Variants in WIPF1 observed in about 807,000 individuals in gnomAD.
WIPF1 encodes WAS/WASL interacting protein family member 1.
In WIPF1, 13 loss-of-function variants were observed where a neutral mutation model predicts 35.4. The observed-to-expected ratio is 0.37, with a 90% CI of 0.24 to 0.58. The LOEUF is 0.58. Among genes scored for constraint, WIPF1 ranks in the 20% least tolerant of loss-of-function variants. WIPF1 has a pLI of 0.74. For missense variants in WIPF1, 591 were observed against 667.0 expected (o/e 0.89, Z 1.25); for synonymous variants, 267 against 266.3 (o/e 1.00, Z -0.02).
At chr2:174,645,871 C>A (rs957024242) in intron 1 of WIPF1, among the ~76,000 whole-genome samples, 7 of 152,064 alleles carry the variant, frequency 4.6e-5, no homozygotes, top group East Asian at 3.9e-4. Context: ...TGTTGTTGAC[C>A]AAAACATTGA....
chr2:174,609,194 T>A (rs1686268553), intron 1 of WIPF1, among the ~76,000 whole-genome samples: 1 of 152,230 alleles, frequency 6.6e-6, no homozygotes, highest in Non-Finnish European at 1.5e-5. Context: ...TAAAGAATTG[T>A]CCCACAGGAC....
Position 174,659,041 on chromosome 2 carries a change from A to G in WIPF1, c.-39+23733T>C, listed in dbSNP as rs142324339. On this transcript the variant is annotated intron_variant, in intron 1 of 8. Transcript: ENST00000272746. ...CATTTTTGAGGATCTAGTAAGATAA[A>G]TTATGTAAAACACTGAAATTATTTG... Among the ~76,000 whole-genome samples the G allele has an allele frequency of 4.9e-3, 752 of 152,292 alleles. 8 individuals carry two copies. The highest frequency in any genetic ancestry group is 0.017 in the African/African-American group (700 of 41,548).
At chr2:174,584,903 C>CAAAAAAA (rs34445660) in intron 2 of WIPF1, among the ~76,000 whole-genome samples, 1 of 132,324 alleles carries the variant, frequency 7.6e-6, no homozygotes, top group Non-Finnish European at 1.6e-5. Flanking sequence ...GAGCGAGACT[C>CAAAAAAA]AAAAAAAAAA....
At chr2:174,665,854 C>T (rs928849804) in intron 1 of WIPF1, among the ~76,000 whole-genome samples, 12 of 152,324 alleles carry the variant, frequency 7.9e-5, no homozygotes, top group African/African-American at 2.6e-4. Flanking sequence ...TTTGTAGATA[C>T]TGCATGCAGA....
At position 174,678,829 on chromosome 2, in the gene WIPF1, C is replaced by A. The variant is rs144968610; in HGVS notation, c.-39+3945G>T. ...CTGGCAGCCCCTCAATACTAAGATT[C>A]TTTTCAGTGAGATCTCTCCTTGGGG... On this transcript the variant is annotated intron_variant, in intron 1 of 8. Coordinates refer to the WIPF1 transcript ENST00000272746. 9.3e-4 allele frequency among the ~76,000 whole-genome samples: 142 copies of A among 152,352 alleles called. 1 individual carries two copies. The highest frequency in any genetic ancestry group is 3.1e-3 in the African/African-American group (127 of 41,576).
chr2:174,643,849 C>G lies in WIPF1; in HGVS notation c.-39+38925G>C, dbSNP rs1445140880. Among the ~76,000 whole-genome samples, 7 of 152,152 alleles carry G rather than the reference C, an allele frequency of 4.6e-5. No homozygotes were observed. In the East Asian group the frequency reaches 1.4e-3, roughly 29 times the overall value. On this transcript the variant is annotated intron_variant, in intron 1 of 8. Coordinates refer to the WIPF1 transcript ENST00000272746. ...ATTTAGTATTTTTTTTACATTCAAT[C>G]CTACATTTTTAAATATTAATATTAC...
intron 7 of WIPF1, among the ~76,000 whole-genome samples, chr2:174,562,816 C>A (rs1684523050): frequency 6.6e-6 from 1 of 152,112 alleles, no homozygotes; most frequent in Non-Finnish European, 1.5e-5. Flanking sequence ...CACTGGCTCC[C>A]AAGTACTTGC....
intron 1 of WIPF1, among the ~76,000 whole-genome samples, chr2:174,634,327 A>G (rs1379934435): frequency 6.6e-6 from 1 of 152,244 alleles, no homozygotes; most frequent in African/African-American, 2.4e-5. Flanking sequence ...TGAGAATTTC[A>G]TTTTCACCAT....
intron 1 of WIPF1, among the ~76,000 whole-genome samples, chr2:174,661,973 C>A (rs1174636405): frequency 6.6e-6 from 1 of 151,964 alleles, no homozygotes; most frequent in African/African-American, 2.4e-5. Context: ...CTTCCTTCAC[C>A]CTCTTGGGAG....
At chr2:174,585,989 A>G (rs1296209596) in intron 1 of WIPF1, among the ~76,000 whole-genome samples, 1 of 152,192 alleles carries the variant, frequency 6.6e-6, no homozygotes, top group African/African-American at 2.4e-5. Context: ...CCTCTTCGCT[A>G]ATTTCCATGA....
chr2:174,587,859 C>T (rs769301655), intron 1 of WIPF1: 1 of 152,200 alleles, frequency 6.6e-6, no homozygotes, highest in Non-Finnish European at 1.5e-5. Context: ...TTCAGGCAGG[C>T]GAATTAGTGC....
intron 1 of WIPF1, among the ~76,000 whole-genome samples, chr2:174,682,480 G>C (rs989900364): frequency 6.6e-6 from 1 of 152,156 alleles, no homozygotes; most frequent in Non-Finnish European, 1.5e-5. Flanking sequence ...GTCCAGCGGT[G>C]AGCTCAGCCC....
chr2:174,574,774 T>G, intron 4 of WIPF1: 1 of 665,850 alleles, frequency 1.5e-6, no homozygotes, highest in South Asian at 1.7e-5. Flanking sequence ...TGTAATCATA[T>G]TCCACAAGAT....
chr2:174,574,712 T>C, intron 4 of WIPF1: 1 of 614,596 alleles, frequency 1.6e-6, no homozygotes, highest in Non-Finnish European at 2.9e-6. Context: ...CCACTGGCAC[T>C]GAAATACCAA....
chr2:174,575,412 C>T (rs369130987), intron 3 of WIPF1, 32 bp from the exon 4 acceptor site: 11 of 1,573,180 alleles, frequency 7.0e-6, no homozygotes, highest in Middle Eastern at 1.8e-4. Context: ...ACAGACTATG[C>T]CCCCTGGTCT....
intron 4 of WIPF1, among the ~76,000 whole-genome samples, chr2:174,572,862 T>C (rs1684920533): frequency 6.6e-6 from 1 of 152,180 alleles, no homozygotes; most frequent in Admixed American, 6.5e-5. Flanking sequence ...GTTTTGAAAC[T>C]AAGTCAGCTG....
rs139908988 is a variant in WIPF1, at chr2:174,575,396, C to T, written c.182-16G>A. The T allele has an allele frequency of 6.5e-4, 1,030 of 1,596,752 alleles. 2 individuals are homozygous for T. Among genetic ancestry groups the T allele is most frequent in the Middle Eastern group, 4.8e-3 (28 of 5,872 alleles). ...CCTTTAGGTTCTGTAGAAGAAGAGA[C>T]ACCCGACAGACTATGCCCCCTGGTC... On this transcript the variant is annotated splice_polypyrimidine_tract_variant and intron_variant, in intron 3 of 7. Transcript: ENST00000679041.
At chr2:174,635,523 C>CTT (rs1687157967) in intron 1 of WIPF1, among the ~76,000 whole-genome samples, 1 of 137,008 alleles carries the variant, frequency 7.3e-6, no homozygotes, top group African/African-American at 2.8e-5. Context: ...CTGGTGCCTT[C>CTT]TGTTTGTTTT....
intron 1 of WIPF1, among the ~76,000 whole-genome samples, chr2:174,657,712 G>A (rs568514057): frequency 6.7e-4 from 101 of 151,846 alleles, no homozygotes; most frequent in Non-Finnish European, 1.2e-3. Flanking sequence ...GACCAACATG[G>A]TGAAACCCCA....
Sources: allele counts gnomAD v4.1 joint callset (sites outside exome capture counted in the v4.1 genomes callset), GRCh38; gene constraint gnomAD v4.1.1; transcripts MANE v1.5; gene names NCBI Gene and HGNC (gene_info 2026-07-23, HGNC 2026-07-21).